ATP9A: variants seen among roughly 807,000 people sequenced by gnomAD.
ATP9A encodes probable phospholipid-transporting ATPase IIA.
ATP9A carries 52 observed loss-of-function variants against 144.1 expected under a neutral mutation model. The observed-to-expected ratio is 0.36, with a 90% CI of 0.29 to 0.45. The LOEUF is 0.45. Ranked by LOEUF, ATP9A falls within the 20% of genes least tolerant of loss-of-function variation. The probability of loss-of-function intolerance (pLI) is 1.00; values close to 1 mark genes in which losing one functional copy is unlikely to be tolerated. For synonymous variants in ATP9A, 582 were observed against 557.4 expected (o/e 1.04, Z -0.62); for missense variants, 947 against 1,392.7 (o/e 0.68, Z 5.09).
chr20:51,645,340 T>A (rs1249426899), intron 14 of ATP9A, among the ~76,000 whole-genome samples: 1 of 152,040 alleles, frequency 6.6e-6, no homozygotes, highest in Non-Finnish European at 1.5e-5. Flanking sequence ...GCCAACATGG[T>A]GAAACCCTGT....
At chr20:51,674,418 ACT>A (rs891000278) in intron 10 of ATP9A, 105 bp from the exon 11 acceptor site, 10 of 1,182,540 alleles carry the variant, frequency 8.5e-6, no homozygotes, top group Non-Finnish European at 1.2e-5. Flanking sequence ...CACTGCACTA[ACT>A]CAGCCTGCCG....
intron 1 of ATP9A, among the ~76,000 whole-genome samples, chr20:51,740,671 T>C (rs2077781202): frequency 6.7e-6 from 1 of 149,056 alleles, no homozygotes; most frequent in Admixed American, 6.8e-5. Flanking sequence ...CAGGCTCAAG[T>C]GATCCTCTTG....
chr20:51,739,934 A>G (rs969999132), intron 1 of ATP9A, among the ~76,000 whole-genome samples: 1 of 152,214 alleles, frequency 6.6e-6, no homozygotes, highest in Non-Finnish European at 1.5e-5. Flanking sequence ...CAGCAGAGAC[A>G]AGAAGTTCCC....
intron 11 of ATP9A, among the ~76,000 whole-genome samples, chr20:51,673,917 G>A (rs1047451225): frequency 6.6e-6 from 1 of 152,012 alleles, no homozygotes; most frequent in Non-Finnish European, 1.5e-5. Flanking sequence ...AGGCATGGTG[G>A]TGCATGCCTG....
rs1471775023 is a variant in ATP9A at position 51,768,375 on chromosome 20, C to G, written c.-6G>C. 8.4e-7 allele frequency: 1 copy of G among 1,191,712 alleles called. No homozygotes were observed. Among genetic ancestry groups the G allele is most frequent in the Non-Finnish European group, 1.0e-6 (1 of 957,564 alleles). 73.8% of individuals were successfully genotyped at this position (1,191,712 alleles called of 1,614,324 possible). On this transcript the variant is annotated 5_prime_UTR_variant, in exon 1 of 28. Transcript: ENST00000338821. ...AGCGGGATGTTGTCCGTCATGTCGG[C>G]GGCGCCGCCCGCCTTGGCCGCCGCG... is the stretch of plus-strand genomic sequence containing the variant.
intron 1 of ATP9A, among the ~76,000 whole-genome samples, chr20:51,756,739 T>G (rs1440860749): frequency 1.3e-5 from 2 of 152,170 alleles, no homozygotes; most frequent in Non-Finnish European, 2.9e-5. Context: ...GATTCCAGCT[T>G]CAAACGTGAA....
chr20:51,724,801 C>T (rs1338235512), intron 3 of ATP9A, among the ~76,000 whole-genome samples: 1 of 152,226 alleles, frequency 6.6e-6, no homozygotes, highest in Admixed American at 6.5e-5. Flanking sequence ...TTCTGCTACA[C>T]ATCGCATGCA....
At chr20:51,643,137 T>C (rs954575271) in intron 14 of ATP9A, among the ~76,000 whole-genome samples, 3 of 152,198 alleles carry the variant, frequency 2.0e-5, no homozygotes, top group Non-Finnish European at 4.4e-5. Context: ...CAAGAAATTA[T>C]TTTTCAAGAC....
intron 1 of ATP9A, among the ~76,000 whole-genome samples, chr20:51,758,961 C>T (rs908064523): frequency 6.6e-6 from 1 of 152,150 alleles, no homozygotes; most frequent in African/African-American, 2.4e-5. Flanking sequence ...CAAGGAAGCC[C>T]GGCAGGCACG....
At chr20:51,631,414 C>T (rs1280659392) in intron 15 of ATP9A, among the ~76,000 whole-genome samples, 2 of 152,034 alleles carry the variant, frequency 1.3e-5, no homozygotes, top group African/African-American at 4.8e-5. Context: ...TCCTTCCCCC[C>T]GACAACCAAA....
intron 4 of ATP9A, among the ~76,000 whole-genome samples, chr20:51,711,991 G>T (rs2077640948): frequency 1.3e-5 from 2 of 151,274 alleles, no homozygotes; most frequent in Non-Finnish European, 2.9e-5. Context: ...GAGTAGCTGG[G>T]ATTACAGATG....
chr20:51,730,040 G>T, intron 1 of ATP9A, 62 bp from the exon 2 acceptor site: 1 of 1,391,868 alleles, frequency 7.2e-7, no homozygotes, highest in South Asian at 1.8e-5. Context: ...GCTCATGTCT[G>T]CCCACTCTTC....
At chr20:51,751,378 G>T (rs1323856585) in intron 1 of ATP9A, among the ~76,000 whole-genome samples, 1 of 148,624 alleles carries the variant, frequency 6.7e-6, no homozygotes, top group Admixed American at 6.8e-5. Context: ...TCCCACTTCA[G>T]CCTCCCAAGT....
At chr20:51,623,509 G>T (rs930220880) in intron 18 of ATP9A, among the ~76,000 whole-genome samples, 1 of 152,112 alleles carries the variant, frequency 6.6e-6, no homozygotes, top group Admixed American at 6.5e-5. Flanking sequence ...AGCCAGGCGC[G>T]GTGGCTTACG....
chr20:51,743,884 G>A (rs1036818704), intron 1 of ATP9A, among the ~76,000 whole-genome samples: 5 of 151,364 alleles, frequency 3.3e-5, no homozygotes, highest in East Asian at 4.0e-4. Context: ...GCAAACACCT[G>A]TAGTCCCAGC....
chr20:51,696,163 G>A lies in ATP9A; in HGVS notation c.496-19C>T. 1 of 1,612,636 alleles carries A rather than the reference G, an allele frequency of 6.2e-7. No individual in the cohort carries two copies. The highest frequency in any genetic ancestry group is 1.7e-5 in the Admixed American group (1 of 60,010). On this transcript the variant is annotated intron_variant, in intron 5 of 27. Transcript: ENST00000338821. The stretch of plus-strand genomic sequence containing the variant: ...GCTGGTTCTGTGTTATGAAAAGAAA[G>A]ACTGTTACTGTGAATGAATGACCGT...
At chr20:51,658,893 G>GGCGGGGT (rs1568807178) in intron 13 of ATP9A, among the ~76,000 whole-genome samples, 5 of 119,674 alleles carry the variant, frequency 4.2e-5, no homozygotes, top group African/African-American at 1.7e-4. Flanking sequence ...ACTGGCGGGG[G>GGCGGGGT]GGGGGGGGGG....
At chr20:51,638,681 AGTGAAACCCT>A (rs1266573681) in intron 15 of ATP9A, among the ~76,000 whole-genome samples, 1 of 152,174 alleles carries the variant, frequency 6.6e-6, no homozygotes, top group Non-Finnish European at 1.5e-5. Context: ...TGGGCAGCAC[AGTGAAACCCT>A]GTATCTATAA....
At chr20:51,643,723 C>A (rs2077330051) in intron 14 of ATP9A, among the ~76,000 whole-genome samples, 1 of 152,148 alleles carries the variant, frequency 6.6e-6, no homozygotes. Context: ...TTATAGCAGG[C>A]CATGTTATAG....
Sources: allele counts gnomAD v4.1 joint callset (sites outside exome capture counted in the v4.1 genomes callset), GRCh38; gene constraint gnomAD v4.1.1; transcripts MANE v1.5; gene names NCBI Gene and HGNC (gene_info 2026-07-23, HGNC 2026-07-21).